The following COL4A3 variants were observed in gnomAD, a reference collection of about 807,000 sequenced individuals.
COL4A3 encodes the protein collagen alpha-3(IV) chain.
In COL4A3, 135 loss-of-function variants were observed where a neutral mutation model predicts 217.4. The observed-to-expected ratio is 0.62, with a 90% CI of 0.54 to 0.72. The LOEUF (loss-of-function observed/expected upper bound fraction) is 0.72, where lower values mean the gene tolerates loss of function less well. COL4A3 is among the 30% of genes least tolerant of loss of function. COL4A3 has a pLI of 0.00. For missense variants in COL4A3, 1,868 were observed against 2,119.9 expected, an observed-to-expected ratio of 0.88 and a Z score of 2.33; for synonymous variants, 690 against 736.3, an observed-to-expected ratio of 0.94 and a Z score of 1.02.
chr2:227,306,748 G>A (rs1574838168), intron 47 of COL4A3, among the ~76,000 whole-genome samples: 1 of 152,082 alleles, frequency 6.6e-6, no homozygotes, highest in Admixed American at 6.5e-5. Flanking sequence ...TGACTCCCAG[G>A]GGCACGGATG....
At chr2:227,182,665 T>C (rs2065897606) in intron 1 of COL4A3, among the ~76,000 whole-genome samples, 1 of 152,238 alleles carries the variant, frequency 6.6e-6, no homozygotes, top group South Asian at 2.1e-4. Flanking sequence ...AAATAGATTA[T>C]ATAATAGCTA....
At chr2:227,255,959 GATTTCCGT>G in intron 15 of COL4A3, 59 bp from the exon 16 acceptor site, 2 of 1,504,848 alleles carry the variant, frequency 1.3e-6, no homozygotes, top group South Asian at 2.3e-5. Flanking sequence ...TATCACTTAA[GATTTCCGT>G]ATTTGTAAAG....
At chr2:227,244,731 CA>C in intron 4 of COL4A3, 2 of 725,396 alleles carry the variant, frequency 2.8e-6, no homozygotes, top group Non-Finnish European at 2.4e-6. Context: ...CCAAAAAAGC[CA>C]AAAATAATCT....
At position 227,240,185 on chromosome 2, in the gene COL4A3, A is replaced by G; in HGVS notation, c.187A>G (p.Lys63Glu). 6.2e-7 allele frequency: 1 copy of G among 1,612,076 alleles called. No individual in the cohort carries two copies. The highest frequency in any genetic ancestry group is 2.2e-5 in the East Asian group (1 of 44,830). ...TGGACCCCCCGGTTCTCCTGGCCAG[A>G]AAGGATTCACAGGTCCTGAAGGCTT... ...FPGPPGSPGQ[K>E]GFTGPEGLPG... The change falls in exon 3 of 52, where the codon AAA (lysine) becomes GAA (glutamate). Residue 63 changes from lysine (K) to glutamate (E), a missense_variant. Coordinates refer to ENST00000396578, the MANE Select transcript of COL4A3 (RefSeq NM_000091.5).
At chr2:227,176,054 C>A (rs2065663868) in intron 1 of COL4A3, among the ~76,000 whole-genome samples, 1 of 152,112 alleles carries the variant, frequency 6.6e-6, no homozygotes, top group African/African-American at 2.4e-5. Flanking sequence ...AGGACCAGCA[C>A]AGAGAAAGAT....
intron 1 of COL4A3, among the ~76,000 whole-genome samples, chr2:227,221,912 T>C (rs2125824392): frequency 6.6e-6 from 1 of 151,766 alleles, no homozygotes; most frequent in East Asian, 1.9e-4. Context: ...TGAGGGAAAA[T>C]GGCTTTGAGG....
chr2:227,307,847 A>C lies in COL4A3; in HGVS notation c.4390A>C (p.Thr1464Pro). The C allele has an allele frequency of 6.2e-7, 1 of 1,614,098 alleles. No individual in the cohort carries two copies. Among genetic ancestry groups the C allele is most frequent in the Non-Finnish European group, 8.5e-7 (1 of 1,179,968 alleles). The change falls in exon 48 of 52, where the codon ACA becomes CCA. Residue 1464 changes from threonine to proline, a missense_variant. This residue lies in a region of COL4A3 where 1,503 missense variants were observed against 1,786.1 expected (regional missense o/e 0.84). Coordinates refer to ENST00000396578, the MANE Select transcript of COL4A3 (RefSeq NM_000091.5). Reference protein sequence around the residue: ...TTAIPSCPEGTVPLYSGFSFL... With the variant: ...TTAIPSCPEGPVPLYSGFSFL... ...AGCAATTCCTTCATGTCCAGAGGGG[A>C]CAGTGCCACTCTACAGTGGGTTTTC...
At position 227,290,013 on chromosome 2, in the gene COL4A3, T is replaced by A; in HGVS notation, c.2995T>A (p.Leu999Met). The change falls in exon 36 of 52, where the codon TTG (leucine) becomes ATG (methionine). Residue 999 changes from leucine to methionine, a missense_variant. Transcript: ENST00000396578. ...PAGPPGPRGD[L>M]GSTGNPGEPG... ...TTGTTCTCAAGGCCCCAGAGGAGAT[T>A]TGGGCAGCACTGGGAATCCTGGAGA... The A allele has an allele frequency of 6.2e-7, 1 of 1,614,076 alleles. No homozygotes were observed. The highest frequency in any genetic ancestry group is 8.5e-7 in the Non-Finnish European group (1 of 1,179,994).
chr2:227,304,729 A>G (rs2073431450), intron 46 of COL4A3, among the ~76,000 whole-genome samples: 1 of 152,230 alleles, frequency 6.6e-6, no homozygotes, highest in Non-Finnish European at 1.5e-5. Context: ...GGAAGAACAT[A>G]AATAAAAATT....
At chr2:227,195,545 C>G (rs1435605457) in intron 1 of COL4A3, among the ~76,000 whole-genome samples, 1 of 152,046 alleles carries the variant, frequency 6.6e-6, no homozygotes, top group Non-Finnish European at 1.5e-5. Flanking sequence ...GTATAAAAGT[C>G]TAGCACGTGC....
intron 2 of COL4A3, among the ~76,000 whole-genome samples, chr2:227,238,493 C>T (rs1215134341): frequency 6.6e-6 from 1 of 152,126 alleles, no homozygotes; most frequent in Non-Finnish European, 1.5e-5. Flanking sequence ...TGAGGCAAAA[C>T]TTAGCAGAGG....
intron 8 of COL4A3, 65 bp from the exon 9 acceptor site, chr2:227,248,378 A>C: frequency 1.1e-6 from 1 of 931,542 alleles, no homozygotes; most frequent in South Asian, 1.3e-5. Flanking sequence ...AACTTTGAAT[A>C]AGCACTTGAA....
At chr2:227,263,355 A>G (rs1362173543) in intron 20 of COL4A3, among the ~76,000 whole-genome samples, 1 of 152,194 alleles carries the variant, frequency 6.6e-6, no homozygotes, top group Non-Finnish European at 1.5e-5. Context: ...CCCCCATCAC[A>G]GCCTTTTATG....
chr2:227,188,028 C>T (rs377705923), intron 1 of COL4A3, among the ~76,000 whole-genome samples: 16 of 152,152 alleles, frequency 1.1e-4, no homozygotes, highest in African/African-American at 3.9e-4. Flanking sequence ...CAAACAGCAG[C>T]CCCCACTGTT....
At chr2:227,252,677 A>G (rs1055856879) in intron 11 of COL4A3, among the ~76,000 whole-genome samples, 1 of 152,084 alleles carries the variant, frequency 6.6e-6, no homozygotes, top group African/African-American at 2.4e-5. Context: ...GAATTTTCCA[A>G]TAGACAGTAC....
In COL4A3 at chr2:227,203,167, GTA is replaced by G. The variant is rs1491264621; in HGVS notation, c.88-34795_88-34794del. The stretch of plus-strand genomic sequence containing the variant: ...TATATGTGTATATATACATATATGT[GTA>G]TATATGTGTATATGTGTGTATATAT... On this transcript the variant is annotated intron_variant, in intron 1 of 51. Coordinates refer to ENST00000396578, the MANE Select transcript of COL4A3 (RefSeq NM_000091.5). 9.0e-5 allele frequency among the ~76,000 whole-genome samples: 2 copies of G among 22,118 alleles called. 1 individual carries two copies. The highest frequency in any genetic ancestry group is 1.2e-3 in the Admixed American group (2 of 1,694). The allele number at this position is 22,118 out of a possible 152,430, so 14.5% of individuals were successfully genotyped here.
At chr2:227,195,130 C>A (rs577646551) in intron 1 of COL4A3, among the ~76,000 whole-genome samples, 3 of 151,964 alleles carry the variant, frequency 2.0e-5, no homozygotes, top group Admixed American at 1.3e-4. Context: ...TTCAACAGTT[C>A]GGTGCATAGA....
chr2:227,259,503 G>C (rs1359179867), intron 18 of COL4A3, among the ~76,000 whole-genome samples: 1 of 152,194 alleles, frequency 6.6e-6, no homozygotes, highest in East Asian at 1.9e-4. Flanking sequence ...AGGTATGTAT[G>C]AATGTGTACA....
In COL4A3 at chr2:227,286,589, C is replaced by G. The variant is rs184758475; in HGVS notation, c.2881+2244C>G. On this transcript the variant is annotated intron_variant, in intron 34 of 51. Transcript: ENST00000396578. ...GAAATAGGGAGGTCAAGTTACTTGC[C>G]CAATGACACTCTGATAGGAAATGGC... Among the ~76,000 whole-genome samples, 223 of 152,248 alleles carry G rather than the reference C, an allele frequency of 1.5e-3. 1 individual carries two copies. Among genetic ancestry groups the G allele is most frequent in the African/African-American group, 5.1e-3 (213 of 41,534 alleles).
Sources: allele counts gnomAD v4.1 joint callset (sites outside exome capture counted in the v4.1 genomes callset), GRCh38; gene constraint gnomAD v4.1.1; regional missense constraint gnomAD v4.1.1; transcripts MANE v1.5; gene names NCBI Gene and HGNC (gene_info 2026-07-23, HGNC 2026-07-21).